Variants in MCTP2 observed in about 807,000 individuals in gnomAD.
MCTP2 encodes multiple C2 and transmembrane domain containing 2.
Under a neutral mutation model 111.6 loss-of-function variants are expected in MCTP2, and 132 were observed. That is an observed-to-expected ratio of 1.18 (90% CI 1.03 to 1.37). The LOEUF (loss-of-function observed/expected upper bound fraction) is 1.37. MCTP2 is among the 40% of genes most tolerant of loss of function. The probability of loss-of-function intolerance (pLI) is 0.00; values close to 1 mark genes in which losing one functional copy is unlikely to be tolerated. For synonymous variants in MCTP2, 395 were observed against 387.7 expected (o/e 1.02, Z -0.22); for missense variants, 1,183 against 1,067.9 (o/e 1.11, Z -1.50).
Position 94,367,799 on chromosome 15 carries a change from T to A in MCTP2, c.1488+8T>A. 6.3e-7 allele frequency: 1 copy of A among 1,593,812 alleles called. No individual in the cohort carries two copies. Among genetic ancestry groups the A allele is most frequent in the Non-Finnish European group, 8.5e-7 (1 of 1,172,172 alleles). On this transcript the variant is annotated splice_region_variant and intron_variant, in intron 11 of 22. Transcript: ENST00000357742. ...CAGATTACCCAGCGATATGTGAGTG[T>A]TTTTCCTTATTGTACACTCCCCCTC...
intron 2 of MCTP2, among the ~76,000 whole-genome samples, chr15:94,312,861 C>T (rs1028310202): frequency 6.6e-6 from 1 of 152,072 alleles, no homozygotes; most frequent in Non-Finnish European, 1.5e-5. Flanking sequence ...GAAGATTTGC[C>T]CCCTGGTCTG....
chr15:94,453,249 A>C (rs556502087), intron 19 of MCTP2, among the ~76,000 whole-genome samples: 2 of 152,346 alleles, frequency 1.3e-5, no homozygotes, highest in South Asian at 4.1e-4. Context: ...TCAAAGACTA[A>C]CACCAGGTTA....
At chr15:94,462,354 C>A (rs1205554050) in intron 20 of MCTP2, among the ~76,000 whole-genome samples, 1 of 152,164 alleles carries the variant, frequency 6.6e-6, no homozygotes, top group Admixed American at 6.5e-5. Flanking sequence ...TCATAAGTGC[C>A]TAAGTCAGGG....
At chr15:94,257,883 C>G (rs1485537900) in intron 1 of MCTP2, among the ~76,000 whole-genome samples, 1 of 150,394 alleles carries the variant, frequency 6.6e-6, no homozygotes, top group Non-Finnish European at 1.5e-5. Context: ...CCGTGCCTGG[C>G]CCATTTTCTT....
chr15:94,462,896 CTATTA>C (rs1397460406), intron 20 of MCTP2, among the ~76,000 whole-genome samples: 4 of 152,190 alleles, frequency 2.6e-5, no homozygotes, highest in African/African-American at 4.8e-5. Context: ...AAAATATTAA[CTATTA>C]TGAGTATTAT....
intron 1 of MCTP2, among the ~76,000 whole-genome samples, chr15:94,244,081 CACACATATGTATACACAT>C (rs2071451607): frequency 1.5e-5 from 2 of 136,688 alleles, no homozygotes; most frequent in East Asian, 2.2e-4. Flanking sequence ...TATATTTATG[CACACATATGTATACACAT>C]ACATATGTGT....
At chr15:94,250,079 T>C (rs1366232470) in intron 1 of MCTP2, among the ~76,000 whole-genome samples, 1 of 152,174 alleles carries the variant, frequency 6.6e-6, no homozygotes, top group Non-Finnish European at 1.5e-5. Context: ...GCCATACTTG[T>C]ACATCACTTC....
chr15:94,306,548 G>C (rs2075888450), intron 2 of MCTP2, among the ~76,000 whole-genome samples: 1 of 152,144 alleles, frequency 6.6e-6, no homozygotes, highest in Admixed American at 6.5e-5. Flanking sequence ...GATAAAAAAA[G>C]TTGATCACAA....
intron 2 of MCTP2, among the ~76,000 whole-genome samples, chr15:94,305,962 A>T (rs1040781970): frequency 6.6e-6 from 1 of 152,164 alleles, no homozygotes; most frequent in Non-Finnish European, 1.5e-5. Context: ...TTTAACATGC[A>T]TTGTAAAATC....
At chr15:94,411,189 G>T (rs1447235946) in intron 17 of MCTP2, among the ~76,000 whole-genome samples, 1 of 152,082 alleles carries the variant, frequency 6.6e-6, no homozygotes, top group African/African-American at 2.4e-5. Context: ...GGGGGACCTG[G>T]TGTGTGTGAA....
At chr15:94,404,274 G>T (rs1265421137) in intron 17 of MCTP2, among the ~76,000 whole-genome samples, 1 of 150,380 alleles carries the variant, frequency 6.6e-6, no homozygotes, top group African/African-American at 2.4e-5. Context: ...AATAATAAAT[G>T]TATTTCAGTT....
chr15:94,272,167 A>C (rs1301254862), intron 1 of MCTP2, among the ~76,000 whole-genome samples: 4 of 152,246 alleles, frequency 2.6e-5, no homozygotes, highest in African/African-American at 9.6e-5. Flanking sequence ...TATGTGAAGA[A>C]GTGAATTGCC....
intron 1 of MCTP2, among the ~76,000 whole-genome samples, chr15:94,234,481 G>C (rs1391487075): frequency 6.6e-6 from 1 of 152,092 alleles, no homozygotes; most frequent in Non-Finnish European, 1.5e-5. Context: ...TCACACCCAC[G>C]GGGGGCCCTG....
intron 2 of MCTP2, among the ~76,000 whole-genome samples, chr15:94,311,531 T>C (rs1203894158): frequency 6.6e-6 from 1 of 152,182 alleles, no homozygotes; most frequent in Non-Finnish European, 1.5e-5. Flanking sequence ...TCCAAAGTTA[T>C]GTGTCCCCCA....
chr15:94,247,050 A>C (rs546093175), intron 1 of MCTP2, among the ~76,000 whole-genome samples: 32 of 152,212 alleles, frequency 2.1e-4, no homozygotes, highest in Non-Finnish European at 4.1e-4. Context: ...TATTCATTAA[A>C]TCATGCTTCA....
At chr15:94,300,333 C>A (rs567098198) in intron 2 of MCTP2, among the ~76,000 whole-genome samples, 61 of 151,852 alleles carry the variant, frequency 4.0e-4, no homozygotes, top group African/African-American at 1.1e-3. Context: ...CACGGTGAAA[C>A]CCCATCTCTA....
chr15:94,403,895 T>C (rs1266029036), intron 17 of MCTP2, among the ~76,000 whole-genome samples: 3 of 152,182 alleles, frequency 2.0e-5, no homozygotes, highest in Non-Finnish European at 4.4e-5. Context: ...CATGGGTATA[T>C]GCGACTGTGT....
intron 2 of MCTP2, among the ~76,000 whole-genome samples, chr15:94,301,574 C>T (rs918361169): frequency 3.3e-5 from 5 of 152,198 alleles, no homozygotes; most frequent in African/African-American, 7.2e-5. Context: ...TCATGCCTTG[C>T]GCATAGCACA....
intron 17 of MCTP2, among the ~76,000 whole-genome samples, chr15:94,429,729 A>G (rs928182790): frequency 2.0e-5 from 3 of 152,152 alleles, no homozygotes; most frequent in Non-Finnish European, 2.9e-5. Flanking sequence ...TTTAAATGCT[A>G]TCTGGAGTCT....
Sources: gnomAD v4.1 joint callset for allele counts (sites outside exome capture counted in the v4.1 genomes callset) on GRCh38, gnomAD v4.1.1 for gene constraint, MANE v1.5 for transcripts, NCBI Gene and HGNC (gene_info 2026-07-23, HGNC 2026-07-21) for gene names.